The following RSRC1 variants were observed in gnomAD, a reference collection of about 807,000 sequenced individuals.
RSRC1 encodes arginine and serine rich coiled-coil 1.
RSRC1 carries 39 observed loss-of-function variants against 49.1 expected under a neutral mutation model. The ratio of observed to expected loss-of-function variants is 0.79; its 90% CI spans 0.61 to 1.04. The LOEUF is 1.04. Among genes scored for constraint, RSRC1 ranks in the 50% least tolerant of loss-of-function variants. The pLI is 0.00. For synonymous variants in RSRC1, 143 were observed against 130.8 expected (o/e 1.09, Z -0.63); for missense variants, 388 against 402.4 (o/e 0.96, Z 0.31).
At chr3:158,454,426 T>C (rs1737207888) in intron 6 of RSRC1, among the ~76,000 whole-genome samples, 1 of 152,116 alleles carries the variant, frequency 6.6e-6, no homozygotes, top group South Asian at 2.1e-4. Context: ...ATAATGATAA[T>C]ATTGTCACTT....
At chr3:158,433,706 A>G (rs771885637) in intron 6 of RSRC1, among the ~76,000 whole-genome samples, 42 of 152,034 alleles carry the variant, frequency 2.8e-4, no homozygotes, top group Non-Finnish European at 4.1e-4. Flanking sequence ...AGTTAAATCT[A>G]TCTAAAATCT....
At chr3:158,429,009 C>CAGA (rs922228046) in intron 6 of RSRC1, among the ~76,000 whole-genome samples, 12 of 151,956 alleles carry the variant, frequency 7.9e-5, no homozygotes, top group African/African-American at 2.6e-4. Flanking sequence ...TTGAACTTCT[C>CAGA]AGTTCAAATG....
intron 4 of RSRC1, among the ~76,000 whole-genome samples, chr3:158,281,244 C>G (rs1726148055): frequency 6.6e-6 from 1 of 151,708 alleles, no homozygotes; most frequent in African/African-American, 2.4e-5. Context: ...ATGATAAGAT[C>G]CTTTTCTGAA....
chr3:158,464,159 A>T (rs1000032029), intron 7 of RSRC1, among the ~76,000 whole-genome samples: 1 of 152,166 alleles, frequency 6.6e-6, no homozygotes. Flanking sequence ...TGTTCTAACT[A>T]TACTTTTAAA....
chr3:158,489,557 A>G (rs1738979435), intron 7 of RSRC1, among the ~76,000 whole-genome samples: 1 of 152,036 alleles, frequency 6.6e-6, no homozygotes, highest in African/African-American at 2.4e-5. Flanking sequence ...GTTTATTTTT[A>G]TATAATTTAT....
At chr3:158,200,931 A>G (rs1299975864) in intron 3 of RSRC1, among the ~76,000 whole-genome samples, 1 of 151,930 alleles carries the variant, frequency 6.6e-6, no homozygotes, top group South Asian at 2.1e-4. Flanking sequence ...TTACCCATTT[A>G]TTTACTTTCT....
intron 6 of RSRC1, among the ~76,000 whole-genome samples, chr3:158,389,992 T>C (rs1271414875): frequency 6.6e-6 from 1 of 152,218 alleles, no homozygotes; most frequent in Non-Finnish European, 1.5e-5. Flanking sequence ...AATATCTTGA[T>C]CTCATTTGAC....
chr3:158,258,401 T>G (rs1164244336), intron 4 of RSRC1, among the ~76,000 whole-genome samples: 2 of 151,916 alleles, frequency 1.3e-5, no homozygotes, highest in Non-Finnish European at 2.9e-5. Context: ...TCTTCTGGCC[T>G]GTAAGGTTTC....
chr3:158,454,916 A>G (rs908234013), intron 6 of RSRC1, among the ~76,000 whole-genome samples: 1 of 152,074 alleles, frequency 6.6e-6, no homozygotes, highest in African/African-American at 2.4e-5. Flanking sequence ...GGGGTCAGTA[A>G]TTACCTGCCC....
intron 4 of RSRC1, among the ~76,000 whole-genome samples, chr3:158,287,539 T>G (rs1726643251): frequency 6.6e-6 from 1 of 152,172 alleles, no homozygotes. Flanking sequence ...TTTATAAGGA[T>G]AAATCAGAAA....
At chr3:158,276,960 A>T (rs1180361653) in intron 4 of RSRC1, among the ~76,000 whole-genome samples, 3 of 152,198 alleles carry the variant, frequency 2.0e-5, no homozygotes, top group African/African-American at 7.2e-5. Context: ...ACACAATTAG[A>T]ATTTAAATGA....
Position 158,544,272 on chromosome 3 carries a change from C to T in RSRC1, c.1002C>T (p.Ala334=). 2 of 1,595,110 alleles carry T rather than the reference C, an allele frequency of 1.3e-6. No individual in the cohort carries two copies. Among genetic ancestry groups the T allele is most frequent in the South Asian group, 1.1e-5 (1 of 90,294 alleles). The change falls in exon 10 of 10, where the codon GCC becomes GCT. Residue 334 remains alanine, a synonymous_variant. Transcript: ENST00000611884. ...AAAGACTAATGGGCAGTCCTGTGGC[C>T]TAAGTAATATACATATAGTTGGATT... ...RQERLMGSPV[A] is the part of the protein sequence containing the mutation.
intron 6 of RSRC1, among the ~76,000 whole-genome samples, chr3:158,434,264 T>C (rs554502173): frequency 1.3e-4 from 20 of 152,144 alleles, no homozygotes; most frequent in South Asian, 1.2e-3. Flanking sequence ...TTTTCACTTA[T>C]ACATTAGGTG....
chr3:158,321,835 C>T (rs1728780335), intron 5 of RSRC1, among the ~76,000 whole-genome samples: 1 of 151,960 alleles, frequency 6.6e-6, no homozygotes, highest in Non-Finnish European at 1.5e-5. Flanking sequence ...TACCAGTTTA[C>T]CTCTGTGCTC....
At chr3:158,284,170 A>C (rs1264573849) in intron 4 of RSRC1, among the ~76,000 whole-genome samples, 1 of 150,816 alleles carries the variant, frequency 6.6e-6, no homozygotes, top group Non-Finnish European at 1.5e-5. Flanking sequence ...GCGATAGTTT[A>C]CTGAGAATGA....
intron 3 of RSRC1, among the ~76,000 whole-genome samples, chr3:158,184,207 C>T (rs903151031): frequency 2.0e-5 from 3 of 151,824 alleles, no homozygotes; most frequent in Admixed American, 2.0e-4. Context: ...TTTCTTCTTG[C>T]CTCATGGAAC....
chr3:158,344,545 A>G (rs1458464447), intron 5 of RSRC1, among the ~76,000 whole-genome samples: 1 of 152,206 alleles, frequency 6.6e-6, no homozygotes, highest in Non-Finnish European at 1.5e-5. Flanking sequence ...CCAAATGAAT[A>G]TTTTTAAAAA....
intron 6 of RSRC1, among the ~76,000 whole-genome samples, chr3:158,394,050 A>AT (rs1258384401): frequency 2.6e-5 from 4 of 152,160 alleles, no homozygotes; most frequent in Non-Finnish European, 5.9e-5. Flanking sequence ...ACTAAAACAG[A>AT]AACCACATGA....
chr3:158,503,922 A>T (rs571863848), intron 7 of RSRC1, among the ~76,000 whole-genome samples: 1 of 152,216 alleles, frequency 6.6e-6, no homozygotes, highest in African/African-American at 2.4e-5. Context: ...ATTGTTACAC[A>T]GTTCAGCTGG....
Sources: gnomAD v4.1 joint callset for allele counts (sites outside exome capture counted in the v4.1 genomes callset) on GRCh38, gnomAD v4.1.1 for gene constraint, MANE v1.5 for transcripts, NCBI Gene and HGNC (gene_info 2026-07-23, HGNC 2026-07-21) for gene names.